The following PHF20 variants were observed in gnomAD, a reference collection of about 807,000 sequenced individuals.
The protein encoded by PHF20 is glioma-expressed antigen 2.
In PHF20, 23 loss-of-function variants were observed where a neutral mutation model predicts 113.5. That is an observed-to-expected ratio of 0.20 (90% CI 0.15 to 0.29). The LOEUF (loss-of-function observed/expected upper bound fraction) is 0.29. PHF20 is among the 10% of genes least tolerant of loss of function. The pLI, the probability that PHF20 is intolerant of heterozygous loss-of-function variation, is 1.00. For synonymous variants in PHF20, 434 were observed against 457.3 expected (o/e 0.95, Z 0.65); for missense variants, 943 against 1,219.6 (o/e 0.77, Z 3.38).
chr20:35,821,588 G>C (rs1489839181), intron 2 of PHF20, among the ~76,000 whole-genome samples: 1 of 152,012 alleles, frequency 6.6e-6, no homozygotes, highest in Non-Finnish European at 1.5e-5. Context: ...GAACCTGAGG[G>C]GCAGAGGTTG....
intron 1 of PHF20, among the ~76,000 whole-genome samples, chr20:35,789,428 C>CAA (rs781511725): frequency 8.8e-5 from 8 of 90,460 alleles, no homozygotes; most frequent in Admixed American, 1.2e-4. Context: ...AAGACTCCAT[C>CAA]AAAAAAAAAA....
At chr20:35,832,329 T>G (rs2042369593) in intron 2 of PHF20, among the ~76,000 whole-genome samples, 1 of 152,188 alleles carries the variant, frequency 6.6e-6, no homozygotes, top group Non-Finnish European at 1.5e-5. Context: ...TTGCACCTGG[T>G]ATACTTTATT....
intron 10 of PHF20, among the ~76,000 whole-genome samples, chr20:35,902,721 C>G (rs550592457): frequency 5.3e-5 from 8 of 152,322 alleles, no homozygotes; most frequent in Admixed American, 2.6e-4. Context: ...GCTCCAGGAC[C>G]TTGGGCAGAG....
chr20:35,803,259 A>G (rs929032344), intron 2 of PHF20, among the ~76,000 whole-genome samples: 38 of 151,336 alleles, frequency 2.5e-4, no homozygotes, highest in Non-Finnish European at 5.3e-4. Flanking sequence ...CCCGGAAAAA[A>G]AAAAAAAAGA....
At chr20:35,885,904 A>G (rs1357587555) in intron 9 of PHF20, among the ~76,000 whole-genome samples, 1 of 152,028 alleles carries the variant, frequency 6.6e-6, no homozygotes, top group Non-Finnish European at 1.5e-5. Flanking sequence ...GCCTGAAACA[A>G]TTTTTACTGT....
At position 35,809,204 on chromosome 20, in the gene PHF20, C is replaced by T. The variant is rs183981270; in HGVS notation, c.83+7599C>T. On this transcript the variant is annotated intron_variant, in intron 2 of 17. Transcript: ENST00000374012. ...AGGTTGCAGTGAGCCAACATCACGA[C>T]GCCATTGTACTCCAGCCTGGGCGAC... Among the ~76,000 whole-genome samples the T allele has an allele frequency of 2.7e-3, 403 of 151,650 alleles. 1 individual carries two copies. Among genetic ancestry groups the T allele is most frequent in the African/African-American group, 9.1e-3 (375 of 41,290 alleles).
At chr20:35,777,294 G>A (rs1287420174) in intron 1 of PHF20, among the ~76,000 whole-genome samples, 3 of 152,138 alleles carry the variant, frequency 2.0e-5, no homozygotes, top group Non-Finnish European at 4.4e-5. Context: ...TTTTTGGTTT[G>A]AATTAGCAGG....
intron 2 of PHF20, among the ~76,000 whole-genome samples, chr20:35,816,761 C>A (rs1045528955): frequency 6.9e-6 from 1 of 144,914 alleles, no homozygotes; most frequent in Non-Finnish European, 1.5e-5. Context: ...CGATTTATGT[C>A]ATAAACTTAA....
chr20:35,805,152 A>C (rs733609), intron 2 of PHF20, among the ~76,000 whole-genome samples: 1 of 151,190 alleles, frequency 6.6e-6, no homozygotes, highest in Non-Finnish European at 1.5e-5. Flanking sequence ...GATCTGCCCA[A>C]CTCGGCCTCC....
chr20:35,879,435 G>A (rs1334610125), intron 9 of PHF20, among the ~76,000 whole-genome samples: 2 of 152,126 alleles, frequency 1.3e-5, no homozygotes, highest in African/African-American at 2.4e-5. Context: ...ATAGAAATAT[G>A]TATTTTAAGC....
intron 9 of PHF20, among the ~76,000 whole-genome samples, chr20:35,896,998 C>A (rs1171855449): frequency 2.0e-5 from 3 of 151,868 alleles, no homozygotes; most frequent in Admixed American, 6.6e-5. Flanking sequence ...GTCTCTGGGT[C>A]CTTTTTGTTG....
At chr20:35,859,001 A>G (rs554938584) in intron 5 of PHF20, among the ~76,000 whole-genome samples, 6 of 152,232 alleles carry the variant, frequency 3.9e-5, no homozygotes, top group Non-Finnish European at 8.8e-5. Context: ...CCTGCGCCCC[A>G]CAAGAGCTGT....
chr20:35,917,060 A>T, intron 12 of PHF20: 1 of 309,170 alleles, frequency 3.2e-6, no homozygotes, highest in Non-Finnish European at 6.4e-6. Context: ...CACCATGCTC[A>T]GCCTTTGTTT....
chr20:35,865,998 C>T (rs1443216895), intron 6 of PHF20, among the ~76,000 whole-genome samples: 1 of 152,026 alleles, frequency 6.6e-6, no homozygotes, highest in Non-Finnish European at 1.5e-5. Context: ...CACCTGAGGT[C>T]AGGAGTTCGA....
At chr20:35,888,520 C>T (rs1335083180) in intron 9 of PHF20, among the ~76,000 whole-genome samples, 2 of 152,172 alleles carry the variant, frequency 1.3e-5, no homozygotes, top group Non-Finnish European at 2.9e-5. Context: ...TAGTGATTTT[C>T]ATACTGCTTT....
At chr20:35,938,590 G>A in intron 15 of PHF20, 107 bp from the exon 16 acceptor site, 1 of 1,080,254 alleles carries the variant, frequency 9.3e-7, no homozygotes, top group Non-Finnish European at 1.3e-6. Context: ...GTGGTCAGAT[G>A]GCCCAGGTGG....
intron 2 of PHF20, among the ~76,000 whole-genome samples, chr20:35,806,928 T>A (rs889830154): frequency 6.6e-6 from 1 of 151,894 alleles, no homozygotes; most frequent in Non-Finnish European, 1.5e-5. Context: ...CCCGGGTAGC[T>A]GGGACTACAG....
At chr20:35,810,313 C>T (rs929743848) in intron 2 of PHF20, among the ~76,000 whole-genome samples, 2 of 152,158 alleles carry the variant, frequency 1.3e-5, no homozygotes, top group South Asian at 4.1e-4. Context: ...TCTTCCAGTT[C>T]GGCAAGGTTT....
At chr20:35,855,682 T>C (rs982426502) in intron 4 of PHF20, 5 of 152,330 alleles carry the variant, frequency 3.3e-5, no homozygotes, top group African/African-American at 1.2e-4. Flanking sequence ...TTTTTATTTT[T>C]TATTTTTTTT....
Sources: allele counts gnomAD v4.1 joint callset (sites outside exome capture counted in the v4.1 genomes callset), GRCh38; gene constraint gnomAD v4.1.1; transcripts MANE v1.5; gene names NCBI Gene and HGNC (gene_info 2026-07-23, HGNC 2026-07-21).